BICC1: variants seen among roughly 807,000 people sequenced by gnomAD.
BICC1 encodes the protein BicC family RNA binding protein 1.
In BICC1, 43 loss-of-function variants were observed where a neutral mutation model predicts 111.0. That is an observed-to-expected ratio of 0.39 (90% confidence interval 0.30 to 0.50). BICC1 has a LOEUF of 0.50. BICC1 is among the 20% of genes least tolerant of loss of function. BICC1 has a pLI of 0.88. For missense variants in BICC1, 1,091 were observed against 1,203.2 expected, an observed-to-expected ratio of 0.91 and a Z score of 1.38; for synonymous variants, 467 against 434.4, an observed-to-expected ratio of 1.07 and a Z score of -0.93.
chr10:58,724,542 T>C (rs1458019595), intron 3 of BICC1, among the ~76,000 whole-genome samples: 4 of 152,192 alleles, frequency 2.6e-5, no homozygotes, highest in African/African-American at 7.2e-5. Flanking sequence ...ACATTAAAAG[T>C]TGTGACCTGT....
chr10:58,821,699 T>A (rs1280697041), intron 20 of BICC1, among the ~76,000 whole-genome samples: 1 of 152,156 alleles, frequency 6.6e-6, no homozygotes, highest in East Asian at 1.9e-4. Flanking sequence ...GAGGCTCTAT[T>A]AATGGAACTC....
At chr10:58,701,149 T>C (rs968434130) in intron 2 of BICC1, among the ~76,000 whole-genome samples, 6 of 152,228 alleles carry the variant, frequency 3.9e-5, no homozygotes, top group Admixed American at 3.9e-4. Context: ...TTAATATATT[T>C]AATGAACTCT....
intron 2 of BICC1, among the ~76,000 whole-genome samples, chr10:58,665,974 G>A (rs376475803): frequency 6.6e-6 from 1 of 152,042 alleles, no homozygotes; most frequent in Non-Finnish European, 1.5e-5. Flanking sequence ...CTTGCTAGAC[G>A]TACAAGTTCC....
At chr10:58,643,412 T>C (rs944625485) in intron 2 of BICC1, among the ~76,000 whole-genome samples, 2 of 152,340 alleles carry the variant, frequency 1.3e-5, no homozygotes, top group Admixed American at 6.5e-5. Context: ...AGTTCCTCTT[T>C]AGTTGTCAAT....
intron 1 of BICC1, among the ~76,000 whole-genome samples, chr10:58,539,863 A>G (rs1180819326): frequency 2.0e-5 from 3 of 151,984 alleles, no homozygotes; most frequent in African/African-American, 7.2e-5. Context: ...AGCATTCTTC[A>G]GGATATATCA....
chr10:58,800,138 T>C, intron 12 of BICC1, 56 bp from the exon 13 acceptor site: 1 of 1,387,774 alleles, frequency 7.2e-7, no homozygotes, highest in Non-Finnish European at 9.9e-7. Context: ...GTTCTTGATT[T>C]GACTCTCTGT....
At chr10:58,714,414 C>G (rs1372147065) in intron 3 of BICC1, among the ~76,000 whole-genome samples, 4 of 152,140 alleles carry the variant, frequency 2.6e-5, no homozygotes, top group Admixed American at 2.0e-4. Flanking sequence ...ATTTTAAAAG[C>G]CAGTTTGCAG....
chr10:58,603,014 C>T (rs919334066), intron 1 of BICC1, among the ~76,000 whole-genome samples: 1 of 152,102 alleles, frequency 6.6e-6, no homozygotes, highest in Non-Finnish European at 1.5e-5. Context: ...CAGTATGAGA[C>T]AGTCTTAGGG....
intron 1 of BICC1, among the ~76,000 whole-genome samples, chr10:58,520,627 A>C (rs1168610956): frequency 1.3e-5 from 2 of 152,182 alleles, no homozygotes; most frequent in Admixed American, 1.3e-4. Flanking sequence ...ATTAGTCTGC[A>C]TATTGAGTTG....
chr10:58,543,590 A>T (rs59461200), intron 1 of BICC1, among the ~76,000 whole-genome samples: 3,880 of 152,060 alleles, frequency 0.026, 178 homozygotes, highest in African/African-American at 0.09. Context: ...GCTCACTGCA[A>T]CCTTGAACTC....
intron 1 of BICC1, among the ~76,000 whole-genome samples, chr10:58,560,677 G>A (rs1843579510): frequency 6.6e-6 from 1 of 151,930 alleles, no homozygotes; most frequent in South Asian, 2.1e-4. Context: ...CTGTTTTGAT[G>A]TAGGTGTTTA....
At chr10:58,827,937 G>T (rs987892337) in intron 20 of BICC1, among the ~76,000 whole-genome samples, 1 of 152,128 alleles carries the variant, frequency 6.6e-6, no homozygotes, top group South Asian at 2.1e-4. Context: ...CAGGGATGAA[G>T]ACTTTCTGAT....
Position 58,830,255 on chromosome 10 carries a change from T to G in BICC1, c.*1364T>G, listed in dbSNP as rs1160156245. The G allele has an allele frequency of 6.6e-6, 1 of 152,170 alleles. No individual in the cohort carries two copies. Among genetic ancestry groups the G allele is most frequent in the East Asian group, 1.9e-4 (1 of 5,206 alleles). 9.4% of individuals were successfully genotyped at this position (152,170 alleles called of 1,614,324 possible). ...ATTGTTTCCTGGGTCTTTTCAGAGA[T>G]CTTATAGATTTATGAAGTGTTTTTA... On this transcript the variant is annotated 3_prime_UTR_variant, in exon 21 of 21. Coordinates refer to ENST00000373886, the MANE Select transcript of BICC1 (RefSeq NM_001080512.3).
At chr10:58,697,818 G>C (rs1176731875) in intron 2 of BICC1, among the ~76,000 whole-genome samples, 3 of 151,754 alleles carry the variant, frequency 2.0e-5, no homozygotes, top group Non-Finnish European at 4.4e-5. Context: ...CCCTGCAGGA[G>C]ATGTGCTTGT....
At chr10:58,706,039 T>G (rs1402491824) in intron 3 of BICC1, among the ~76,000 whole-genome samples, 1 of 152,202 alleles carries the variant, frequency 6.6e-6, no homozygotes, top group African/African-American at 2.4e-5. Flanking sequence ...TCACGTAAAT[T>G]TATTTTGAGT....
At chr10:58,567,678 T>G (rs1203659757) in intron 1 of BICC1, among the ~76,000 whole-genome samples, 1 of 152,078 alleles carries the variant, frequency 6.6e-6, no homozygotes, top group African/African-American at 2.4e-5. Flanking sequence ...TGTAATTGCA[T>G]AGCTAAGACC....
intron 2 of BICC1, among the ~76,000 whole-genome samples, chr10:58,628,722 C>T (rs569931305): frequency 3.3e-5 from 5 of 152,226 alleles, no homozygotes; most frequent in South Asian, 4.2e-4. Flanking sequence ...TTAAGGTGAT[C>T]CAGAAGTACC....
intron 1 of BICC1, among the ~76,000 whole-genome samples, chr10:58,601,602 A>C (rs1845042771): frequency 6.6e-6 from 1 of 152,016 alleles, no homozygotes; most frequent in African/African-American, 2.4e-5. Flanking sequence ...TTAGAAATAG[A>C]ATTACTGGAT....
At chr10:58,753,150 CGTT>C (rs1353510901) in intron 3 of BICC1, among the ~76,000 whole-genome samples, 1 of 151,978 alleles carries the variant, frequency 6.6e-6, no homozygotes, top group African/African-American at 2.4e-5. Context: ...TTTGATTTTA[CGTT>C]GTTGTTGTTT....
Sources: allele counts gnomAD v4.1 joint callset (sites outside exome capture counted in the v4.1 genomes callset), GRCh38; gene constraint gnomAD v4.1.1; transcripts MANE v1.5; gene names NCBI Gene and HGNC (gene_info 2026-07-23, HGNC 2026-07-21).